Variants in CCDC178 observed in about 807,000 individuals in gnomAD.
CCDC178 encodes coiled-coil domain-containing protein 178.
In CCDC178, 126 loss-of-function variants were observed where a neutral mutation model predicts 117.4. The observed-to-expected ratio is 1.07, with a 90% CI of 0.93 to 1.24. The LOEUF (loss-of-function observed/expected upper bound fraction) is 1.24, where lower values mean the gene tolerates loss of function less well. CCDC178 is among the 50% of genes most tolerant of loss of function. The pLI is 0.00. For missense variants in CCDC178, 1,030 were observed against 986.9 expected (o/e 1.04, Z -0.59); for synonymous variants, 283 against 313.4 (o/e 0.90, Z 1.02).
At position 33,117,584 on chromosome 18, in the gene CCDC178, C is replaced by A. The variant is rs542386918; in HGVS notation, c.2239-24674G>T. 5.3e-5 allele frequency among the ~76,000 whole-genome samples: 8 copies of A among 151,462 alleles called. No individual in the cohort carries two copies. The East Asian group carries it at 1.4e-3, about 26-fold the overall frequency. On this transcript the variant is annotated intron_variant, in intron 20 of 22. Coordinates refer to ENST00000383096, the MANE Select transcript of CCDC178 (RefSeq NM_001105528.4). ...GGGGCCTGTCGTGGGGTGGGGGGAG[C>A]GGGGAGAGGGATAGCATTAGGAGAT...
intron 8 of CCDC178, among the ~76,000 whole-genome samples, chr18:33,346,903 ACT>A (rs1053369753): frequency 6.6e-6 from 1 of 152,138 alleles, no homozygotes. Flanking sequence ...GAATTTTGAA[ACT>A]CTATTTATTT....
intron 15 of CCDC178, among the ~76,000 whole-genome samples, chr18:33,235,668 T>A (rs1051978561): frequency 6.6e-6 from 1 of 152,178 alleles, no homozygotes; most frequent in Non-Finnish European, 1.5e-5. Flanking sequence ...AATTCCATTA[T>A]ATTCAAGCAA....
In CCDC178 at chr18:33,226,933, T is replaced by A. The variant is rs77111689; in HGVS notation, c.1594-78A>T. The A allele has an allele frequency of 0.044, 28,802 of 647,872 alleles. 1,111 individuals are homozygous for A. Among genetic ancestry groups the A allele is most frequent in the African/African-American group, 0.14 (7,453 of 53,030 alleles). The allele number at this position is 647,872 out of a possible 1,614,324, so 40.1% of individuals were successfully genotyped here. A position where few individuals can be genotyped will look rare whatever the true frequency, so the allele number is the denominator to read the frequency against. Reference sequence around the variant, plus strand: ...ACATTTTTTAAAACAATTGCTAATATAAGACACATTTTTAATGTTTCAATA... The same window carrying A: ...ACATTTTTTAAAACAATTGCTAATAAAAGACACATTTTTAATGTTTCAATA... On this transcript the variant is annotated intron_variant, in intron 15 of 22. Coordinates refer to ENST00000383096, the MANE Select transcript of CCDC178 (RefSeq NM_001105528.4).
At chr18:33,203,851 G>A (rs930922804) in intron 20 of CCDC178, among the ~76,000 whole-genome samples, 3 of 152,204 alleles carry the variant, frequency 2.0e-5, no homozygotes, top group African/African-American at 7.2e-5. Context: ...CAACTGAATA[G>A]TTTGTCTCTG....
At chr18:33,210,736 A>G (rs2059096866) in intron 20 of CCDC178, among the ~76,000 whole-genome samples, 2 of 152,008 alleles carry the variant, frequency 1.3e-5, no homozygotes, top group Admixed American at 1.3e-4. Flanking sequence ...AAACTCAGCC[A>G]TCGGTTTCAG....
intron 11 of CCDC178, among the ~76,000 whole-genome samples, chr18:33,306,457 G>GTT (rs200819041): frequency 0.036 from 2,560 of 70,240 alleles, 147 homozygotes; most frequent in African/African-American, 0.11. Flanking sequence ...TGTACATATG[G>GTT]TTATATATAT....
intron 14 of CCDC178, among the ~76,000 whole-genome samples, chr18:33,249,879 A>C (rs911570948): frequency 1.4e-4 from 22 of 151,968 alleles, no homozygotes. Context: ...TTTTCATGAC[A>C]TTGATTCTTC....
chr18:33,307,459 A>C (rs578034105), intron 11 of CCDC178, among the ~76,000 whole-genome samples: 1 of 152,334 alleles, frequency 6.6e-6, no homozygotes, highest in East Asian at 1.9e-4. Context: ...CTGGCAGAAG[A>C]AATGTCTAAG....
chr18:32,974,506 T>C (rs199823753), intron 22 of CCDC178, 41 bp downstream of exon 22: 35 of 1,589,116 alleles, frequency 2.2e-5, no homozygotes, highest in Non-Finnish European at 3.0e-5. Flanking sequence ...CTTTTCAATC[T>C]AGATCAGAAT....
chr18:33,126,986 T>TAAAAAA (rs1225815316), intron 20 of CCDC178, among the ~76,000 whole-genome samples: 72 of 136,124 alleles, frequency 5.3e-4, no homozygotes, highest in African/African-American at 2.0e-3. Flanking sequence ...TGCATTTGGT[T>TAAAAAA]AAAAAAAAAA....
chr18:32,987,581 A>G (rs1184269327), intron 21 of CCDC178, among the ~76,000 whole-genome samples: 1 of 152,160 alleles, frequency 6.6e-6, no homozygotes, highest in Non-Finnish European at 1.5e-5. Flanking sequence ...AAATTACACC[A>G]TCTTCTTAAG....
chr18:33,259,566 C>A (rs2059717389), intron 14 of CCDC178, among the ~76,000 whole-genome samples: 1 of 152,064 alleles, frequency 6.6e-6, no homozygotes, highest in South Asian at 2.1e-4. Context: ...GGAAATGCCA[C>A]ACACTTTCAA....
At chr18:33,430,801 G>C (rs1053275369) in intron 2 of CCDC178, among the ~76,000 whole-genome samples, 1 of 152,120 alleles carries the variant, frequency 6.6e-6, no homozygotes, top group Non-Finnish European at 1.5e-5. Flanking sequence ...GGCCGGGCGC[G>C]GTGGCTCATG....
chr18:33,086,451 T>TAC (rs2089084372), intron 21 of CCDC178, among the ~76,000 whole-genome samples: 1 of 148,134 alleles, frequency 6.8e-6, no homozygotes, highest in Admixed American at 6.7e-5. Flanking sequence ...CACACATATA[T>TAC]ATATATAGCG....
intron 15 of CCDC178, among the ~76,000 whole-genome samples, chr18:33,241,826 T>C (rs886711985): frequency 6.6e-6 from 1 of 151,718 alleles, no homozygotes; most frequent in Non-Finnish European, 1.5e-5. Context: ...GTTAAAATAG[T>C]ATGTTAACCA....
chr18:32,986,104 AATGAAAAATT>A (rs2055256979), intron 21 of CCDC178, among the ~76,000 whole-genome samples: 1 of 152,122 alleles, frequency 6.6e-6, no homozygotes, highest in Admixed American at 6.5e-5. Flanking sequence ...GGCAAAATGT[AATGAAAAATT>A]ATGAAAAAAA....
intron 14 of CCDC178, among the ~76,000 whole-genome samples, chr18:33,248,166 A>C (rs1005258074): frequency 5.9e-4 from 89 of 152,086 alleles, no homozygotes; most frequent in African/African-American, 2.1e-3. Flanking sequence ...AATCTAAGCA[A>C]AAATAAATGT....
intron 9 of CCDC178, among the ~76,000 whole-genome samples, chr18:33,341,949 TG>T (rs2062822789): frequency 6.6e-6 from 1 of 152,116 alleles, no homozygotes; most frequent in Non-Finnish European, 1.5e-5. Flanking sequence ...TAAATGACCC[TG>T]GGTAGAAAAA....
chr18:33,233,564 A>G (rs1389315763), intron 15 of CCDC178, among the ~76,000 whole-genome samples: 1 of 152,062 alleles, frequency 6.6e-6, no homozygotes, highest in Non-Finnish European at 1.5e-5. Context: ...TAAAATATGT[A>G]GGTAAGTTGT....
Sources: gnomAD v4.1 joint callset for allele counts (sites outside exome capture counted in the v4.1 genomes callset) on GRCh38, gnomAD v4.1.1 for gene constraint, MANE v1.5 for transcripts, NCBI Gene and HGNC (gene_info 2026-07-23, HGNC 2026-07-21) for gene names.